Variants in TIFAB observed in about 807,000 individuals in gnomAD.
TIFAB encodes the protein TIFA inhibitor, also known as TRAF-interacting protein with FHA domain-containing protein B.
For missense variants in TIFAB, 222 were observed against 203.6 expected (o/e 1.09, Z -0.55); for synonymous variants, 116 against 95.2 (o/e 1.22, Z -1.27).
rs1769226043 is a variant in TIFAB, at chr5:135,444,787, A to G, written c.*4667T>C. The G allele has an allele frequency of 6.6e-6, 1 of 152,258 alleles. No homozygotes were observed. Among genetic ancestry groups the G allele is most frequent in the Non-Finnish European group, 1.5e-5 (1 of 68,060 alleles). The allele number at this position is 152,258 out of a possible 1,614,324, so 9.4% of individuals were successfully genotyped here. ...CAGCCCCTTGACAAAGTCTTGCTCT[A>G]CACGTTTCTGTAGTGACCGTCCATT... is the stretch of plus-strand genomic sequence containing the variant. On this transcript the variant is annotated 3_prime_UTR_variant, in exon 2 of 2. Transcript: ENST00000537858.
chr5:135,448,510 C>T lies in TIFAB; in HGVS notation c.*944G>A, dbSNP rs1476579878. 1.3e-5 allele frequency: 2 copies of T among 150,636 alleles called. No individual in the cohort carries two copies. The highest frequency in any genetic ancestry group is 1.3e-4 in the Admixed American group (2 of 14,998). 9.3% of individuals were successfully genotyped at this position (150,636 alleles called of 1,614,324 possible). A position where few individuals can be genotyped will look rare whatever the true frequency, so the allele number is the denominator to read the frequency against. On this transcript the variant is annotated 3_prime_UTR_variant, in exon 2 of 2. Coordinates refer to ENST00000537858, the MANE Select transcript of TIFAB (RefSeq NM_001099221.2). ...TTCCCCCACCCCCATTGGTGTGTGA[C>T]TCACCCTGAGCGAAATAACTGCTGG...
Position 135,446,837 on chromosome 5 carries a change from C to A in TIFAB, c.*2617G>T. 1 of 1,613,952 alleles carries A rather than the reference C, an allele frequency of 6.2e-7. No homozygotes were observed. Among genetic ancestry groups the A allele is most frequent in the Non-Finnish European group, 8.5e-7 (1 of 1,179,838 alleles). Reference sequence around the variant, plus strand: ...CGAAAGATTGGAGTTGCAGAGTCCCCTGTGGAGGAATTGAACTGCCCCCTC... The same window carrying A: ...CGAAAGATTGGAGTTGCAGAGTCCCATGTGGAGGAATTGAACTGCCCCCTC... On this transcript the variant is annotated 3_prime_UTR_variant, in exon 2 of 2. Transcript: ENST00000537858.
chr5:135,449,390 G>T lies in TIFAB; in HGVS notation c.*64C>A, dbSNP rs1769325981. On this transcript the variant is annotated 3_prime_UTR_variant, in exon 2 of 2. Transcript: ENST00000537858. Reference sequence around the variant, plus strand: ...TATTTCTGTTCCTCCTCCAGGTCTTGGCTGGAGAGGGCTGTCCCAAGTCTG... The same window carrying T: ...TATTTCTGTTCCTCCTCCAGGTCTTTGCTGGAGAGGGCTGTCCCAAGTCTG... 2 of 1,582,268 alleles carry T rather than the reference G, an allele frequency of 1.3e-6. No homozygotes were observed. Among genetic ancestry groups the T allele is most frequent in the Admixed American group, 1.7e-5 (1 of 58,304 alleles).
Position 135,449,966 on chromosome 5 carries a change from T to C in TIFAB, c.-10-17A>G, listed in dbSNP as rs529146149. On this transcript the variant is annotated splice_polypyrimidine_tract_variant and intron_variant, in intron 1 of 1. Transcript: ENST00000537858. ...GAAGAAGTCCTGGGAAGTTGGAACA[T>C]GGACACACAGGCTCAGCTTCAGTCA... 43 of 1,514,328 alleles carry C rather than the reference T, an allele frequency of 2.8e-5. No individual in the cohort carries two copies. The South Asian group carries it at 5.1e-4, about 18-fold the overall frequency. 93.8% of individuals were successfully genotyped at this position (1,514,328 alleles called of 1,614,324 possible).
In TIFAB at chr5:135,448,700, A is replaced by G. The variant is rs983628104; in HGVS notation, c.*754T>C. 2 of 152,174 alleles carry G rather than the reference A, an allele frequency of 1.3e-5. No homozygotes were observed. The highest frequency in any genetic ancestry group is 4.8e-5 in the African/African-American group (2 of 41,434). 9.4% of individuals were successfully genotyped at this position (152,174 alleles called of 1,614,324 possible). A position where few individuals can be genotyped will look rare whatever the true frequency, so the allele number is the denominator to read the frequency against. On this transcript the variant is annotated 3_prime_UTR_variant, in exon 2 of 2. Coordinates refer to ENST00000537858, the MANE Select transcript of TIFAB (RefSeq NM_001099221.2). Reference sequence around the variant, plus strand: ...CAGGCAGGCCCAGCTCCCAGCTCCCATCCTCAGGAAACCCTGAGCCCTGCC... The same window carrying G: ...CAGGCAGGCCCAGCTCCCAGCTCCCGTCCTCAGGAAACCCTGAGCCCTGCC...
rs777645152 is a variant in TIFAB, at chr5:135,446,493, G to A, written c.*2961C>T. Reference sequence around the variant, plus strand: ...CAGGTGAGGGATAGTGATATCAAGTGCGAAGACCAGGCCCTGAAGCCAGCC... The same window carrying A: ...CAGGTGAGGGATAGTGATATCAAGTACGAAGACCAGGCCCTGAAGCCAGCC... On this transcript the variant is annotated 3_prime_UTR_variant, in exon 2 of 2. Coordinates refer to ENST00000537858, the MANE Select transcript of TIFAB (RefSeq NM_001099221.2). The A allele has an allele frequency of 1.4e-5, 22 of 1,613,920 alleles. No homozygotes were observed. The African/African-American group carries it at 1.9e-4, about 14-fold the overall frequency.
At position 135,444,429 on chromosome 5, in the gene TIFAB, C is replaced by A. The variant is rs956892163; in HGVS notation, c.*5025G>T. On this transcript the variant is annotated 3_prime_UTR_variant, in exon 2 of 2. Coordinates refer to ENST00000537858, the MANE Select transcript of TIFAB (RefSeq NM_001099221.2). ...GCTGCAATGCAGGTTAGGCTGCCACCATGAGGGAAGCTGGAGGGAGGACCT... is the reference window on the plus strand; with the variant it reads ...GCTGCAATGCAGGTTAGGCTGCCACAATGAGGGAAGCTGGAGGGAGGACCT... 2 of 152,242 alleles carry A rather than the reference C, an allele frequency of 1.3e-5. No individual in the cohort carries two copies. Among genetic ancestry groups the A allele is most frequent in the African/African-American group, 4.8e-5 (2 of 41,452 alleles). 9.4% of individuals were successfully genotyped at this position (152,242 alleles called of 1,614,324 possible).
rs1311235464 is a variant in TIFAB, at chr5:135,449,406, C to T, written c.*48G>A. Reference sequence around the variant, plus strand: ...CCAGGTCTTGGCTGGAGAGGGCTGTCCCAAGTCTGGGAAGGGCCGTGGAGA... The same window carrying T: ...CCAGGTCTTGGCTGGAGAGGGCTGTTCCAAGTCTGGGAAGGGCCGTGGAGA... On this transcript the variant is annotated 3_prime_UTR_variant, in exon 2 of 2. Transcript: ENST00000537858. 6.3e-7 allele frequency: 1 copy of T among 1,598,926 alleles called. No homozygotes were observed. The highest frequency in any genetic ancestry group is 1.7e-5 in the Admixed American group (1 of 59,464).
chr5:135,449,264 T>G lies in TIFAB; in HGVS notation c.*190A>C, dbSNP rs1769324566. 2 of 859,742 alleles carry G rather than the reference T, an allele frequency of 2.3e-6. No homozygotes were observed. The highest frequency in any genetic ancestry group is 2.7e-5 in the East Asian group (1 of 37,140). 53.3% of individuals were successfully genotyped at this position (859,742 alleles called of 1,614,324 possible). On this transcript the variant is annotated 3_prime_UTR_variant, in exon 2 of 2. Coordinates refer to ENST00000537858, the MANE Select transcript of TIFAB (RefSeq NM_001099221.2). ...GTGGGTTTTGCTTGTCAACCTTGCA[T>G]GATGCAGCTCAAGTATTTCAAATCC...
In TIFAB at chr5:135,444,605, G is replaced by A. The variant is rs898374036; in HGVS notation, c.*4849C>T. ...CAGCTGGCAGCCCACTGCAGGGGTGGTGGAGGTCGCAATGCGCTGTCCCCA... is the reference window on the plus strand; with the variant it reads ...CAGCTGGCAGCCCACTGCAGGGGTGATGGAGGTCGCAATGCGCTGTCCCCA... On this transcript the variant is annotated 3_prime_UTR_variant, in exon 2 of 2. Coordinates refer to ENST00000537858, the MANE Select transcript of TIFAB (RefSeq NM_001099221.2). The A allele has an allele frequency of 2.6e-5, 4 of 152,302 alleles. No individual in the cohort carries two copies. Among genetic ancestry groups the A allele is most frequent in the Non-Finnish European group, 5.9e-5 (4 of 68,100 alleles). 9.4% of individuals were successfully genotyped at this position (152,302 alleles called of 1,614,324 possible).
chr5:135,447,111 T>C lies in TIFAB; in HGVS notation c.*2343A>G, dbSNP rs1171520452. Reference sequence around the variant, plus strand: ...TGGGTTGCTGCTCCGTAATGCATAGTTGGGGGACCATTTTGGTCAGTGACA... The same window carrying C: ...TGGGTTGCTGCTCCGTAATGCATAGCTGGGGGACCATTTTGGTCAGTGACA... On this transcript the variant is annotated 3_prime_UTR_variant, in exon 2 of 2. Transcript: ENST00000537858. 2.5e-6 allele frequency: 4 copies of C among 1,614,032 alleles called. No homozygotes were observed. The highest frequency in any genetic ancestry group is 2.5e-6 in the Non-Finnish European group (3 of 1,179,902).
rs542435639 is a variant in TIFAB at position 135,447,221 on chromosome 5, C to A, written c.*2233G>T. ...ACCAGGGCATCTCCCATTATACTAA[C>A]CCTGCCTATTGGACCTTCTGATGCA... On this transcript the variant is annotated 3_prime_UTR_variant, in exon 2 of 2. Coordinates refer to ENST00000537858, the MANE Select transcript of TIFAB (RefSeq NM_001099221.2). The A allele has an allele frequency of 3.8e-6, 5 of 1,332,308 alleles. No homozygotes were observed. Among genetic ancestry groups the A allele is most frequent in the East Asian group, 2.4e-5 (1 of 42,534 alleles). The allele number at this position is 1,332,308 out of a possible 1,614,324, so 82.5% of individuals were successfully genotyped here.
chr5:135,451,537 A>G (rs1769362704), intron 1 of TIFAB, among the ~76,000 whole-genome samples: 1 of 148,334 alleles, frequency 6.7e-6, no homozygotes, highest in Non-Finnish European at 1.5e-5. Flanking sequence ...AGGCTGGAGT[A>G]TAGCGGCATG....
chr5:135,447,294 A>G lies in TIFAB; in HGVS notation c.*2160T>C. On this transcript the variant is annotated 3_prime_UTR_variant, in exon 2 of 2. Coordinates refer to ENST00000537858, the MANE Select transcript of TIFAB (RefSeq NM_001099221.2). ...CCTGTTGCCTACCAGGTCCGTGGCTACAACTAAATCCCTAGTTGGGGAATC... is the reference window on the plus strand; with the variant it reads ...CCTGTTGCCTACCAGGTCCGTGGCTGCAACTAAATCCCTAGTTGGGGAATC... 1 of 696,870 alleles carries G rather than the reference A, an allele frequency of 1.4e-6. No homozygotes were observed. Among genetic ancestry groups the G allele is most frequent in the Non-Finnish European group, 2.4e-6 (1 of 411,372 alleles). The allele number at this position is 696,870 out of a possible 1,614,324, so 43.2% of individuals were successfully genotyped here.
Position 135,449,327 on chromosome 5 carries a change from T to C in TIFAB, c.*127A>G. On this transcript the variant is annotated 3_prime_UTR_variant, in exon 2 of 2. Coordinates refer to ENST00000537858, the MANE Select transcript of TIFAB (RefSeq NM_001099221.2). Reference sequence around the variant, plus strand: ...CAAAGGCTTGCTCTAGTGGCAGGGCTAGCAGAGTGCACTGTCTGGGGGTTC... The same window carrying C: ...CAAAGGCTTGCTCTAGTGGCAGGGCCAGCAGAGTGCACTGTCTGGGGGTTC... 1 of 1,311,550 alleles carries C rather than the reference T, an allele frequency of 7.6e-7. No individual in the cohort carries two copies. 81.2% of individuals were successfully genotyped at this position (1,311,550 alleles called of 1,614,324 possible).
rs762719202 is a variant in TIFAB, at chr5:135,447,001, C to T, written c.*2453G>A. The T allele has an allele frequency of 3.1e-6, 5 of 1,613,562 alleles. No individual in the cohort carries two copies. The South Asian group carries it at 5.5e-5, about 18-fold the overall frequency. ...GAGCTGGGGAGTGGCACCCTGGGAA[C>T]TCTGGGGTTTCCCCACCAGCTCCTC... On this transcript the variant is annotated 3_prime_UTR_variant, in exon 2 of 2. Transcript: ENST00000537858.
chr5:135,452,045 C>G (rs985966143), intron 1 of TIFAB, among the ~76,000 whole-genome samples, 164 bp downstream of exon 1: 1 of 152,246 alleles, frequency 6.6e-6, no homozygotes. Context: ...TCTTTTGGAT[C>G]CCAGGTGTTC....
At position 135,446,740 on chromosome 5, in the gene TIFAB, G is replaced by A; in HGVS notation, c.*2714C>T. ...GATGTTTCCGGGCTCCCTCCCGCCT[G>A]GTCTGGCCTGTCTTCCTTCTGCTGC... On this transcript the variant is annotated 3_prime_UTR_variant, in exon 2 of 2. Transcript: ENST00000537858. 3 of 1,613,970 alleles carry A rather than the reference G, an allele frequency of 1.9e-6. No individual in the cohort carries two copies. The highest frequency in any genetic ancestry group is 1.1e-5 in the South Asian group (1 of 91,072).
At position 135,449,434 on chromosome 5, in the gene TIFAB, C is replaced by A; in HGVS notation, c.*20G>T. ...AAGTCTGGGAAGGGCCGTGGAGAAA[C>A]CCCAGGCAACCTGGATCTGCTACCC... On this transcript the variant is annotated 3_prime_UTR_variant, in exon 2 of 2. Transcript: ENST00000537858. 6.2e-7 allele frequency: 1 copy of A among 1,609,934 alleles called. No homozygotes were observed. Among genetic ancestry groups the A allele is most frequent in the Non-Finnish European group, 8.5e-7 (1 of 1,177,938 alleles).
Sources: allele counts gnomAD v4.1 joint callset (sites outside exome capture counted in the v4.1 genomes callset), GRCh38; gene constraint gnomAD v4.1.1; transcripts MANE v1.5; gene names NCBI Gene and HGNC (gene_info 2026-07-23, HGNC 2026-07-21).